Variants in SRFBP1 observed in about 807,000 individuals in gnomAD.
SRFBP1 encodes the protein serum response factor-binding protein 1.
Under a neutral mutation model 45.5 loss-of-function variants are expected in SRFBP1, and 47 were observed. The observed-to-expected ratio is 1.03, with a 90% CI of 0.82 to 1.32. The LOEUF (loss-of-function observed/expected upper bound fraction) is 1.32, where lower values mean the gene tolerates loss of function less well. Ranked by LOEUF, SRFBP1 falls within the 40% of genes most tolerant of loss-of-function variation. The probability of loss-of-function intolerance (pLI) is 0.00; values close to 1 mark genes in which losing one functional copy is unlikely to be tolerated. For missense variants in SRFBP1, 621 were observed against 484.6 expected, an observed-to-expected ratio of 1.28 and a Z score of -2.64; for synonymous variants, 203 against 166.3, an observed-to-expected ratio of 1.22 and a Z score of -1.70.
intron 2 of SRFBP1, among the ~76,000 whole-genome samples, chr5:122,054,113 C>A (rs1342896078): frequency 6.6e-6 from 1 of 152,190 alleles, no homozygotes; most frequent in East Asian, 1.9e-4. Context: ...GGCTATTAAG[C>A]TGATACTGAT....
At chr5:122,026,169 A>G (rs1020842195) in intron 7 of SRFBP1, among the ~76,000 whole-genome samples, 1 of 152,250 alleles carries the variant, frequency 6.6e-6, no homozygotes, top group African/African-American at 2.4e-5. Context: ...TAAGAAGTCT[A>G]TATTAAGTTT....
chr5:122,003,511 GT>G (rs1330241304), intron 4 of SRFBP1, among the ~76,000 whole-genome samples: 1 of 151,990 alleles, frequency 6.6e-6, no homozygotes, highest in Non-Finnish European at 1.5e-5. Context: ...ACAATAATTG[GT>G]TTTTTGCCAT....
At chr5:122,017,484 A>C (rs1395053419) in intron 4 of SRFBP1, among the ~76,000 whole-genome samples, 1 of 152,204 alleles carries the variant, frequency 6.6e-6, no homozygotes, top group East Asian at 1.9e-4. Context: ...ACTGGGCTTA[A>C]GACCACCCTG....
chr5:122,020,950 G>A, intron 6 of SRFBP1, 148 bp downstream of exon 6: 1 of 659,222 alleles, frequency 1.5e-6, no homozygotes, highest in Non-Finnish European at 2.4e-6. Flanking sequence ...GTTGTAGTGG[G>A]GTATTAGGTA....
downstream of SRFBP1, chr5:122,077,458 C>T: frequency 6.2e-7 from 1 of 1,614,090 alleles, no homozygotes; most frequent in Non-Finnish European, 8.5e-7. This position sits in a 1 kb window ranked among gnomAD's most constrained non-coding sequence, Gnocchi z 4.9. Context: ...CGTCAGAGTA[C>T]TTGTAGGGGT....
chr5:122,054,382 G>A lies in SRFBP1; in HGVS notation n.312-20933G>A, dbSNP rs945191762. ...CCCAGACAGGCTGGTGCCCAGCTTCGCTCTTCTCTGCTGTTTGTGTTCCCC... is the reference window on the plus strand; with the variant it reads ...CCCAGACAGGCTGGTGCCCAGCTTCACTCTTCTCTGCTGTTTGTGTTCCCC... On this transcript the variant is annotated intron_variant and non_coding_transcript_variant, in intron 2 of 2. Coordinates refer to the SRFBP1 transcript ENST00000504881. Among the ~76,000 whole-genome samples the A allele has an allele frequency of 3.3e-5, 5 of 152,146 alleles. No individual in the cohort carries two copies. In the East Asian group the frequency reaches 9.7e-4, roughly 29 times the overall value.
intron 7 of SRFBP1, among the ~76,000 whole-genome samples, chr5:122,025,319 C>T (rs1298226287): frequency 6.6e-6 from 1 of 152,166 alleles, no homozygotes; most frequent in Non-Finnish European, 1.5e-5. Context: ...GCATAGTATT[C>T]CATGGTGTAT....
chr5:121,993,776 T>A (rs1173253088), intron 3 of SRFBP1, among the ~76,000 whole-genome samples: 1 of 152,142 alleles, frequency 6.6e-6, no homozygotes, highest in Non-Finnish European at 1.5e-5. Context: ...GACTGACATA[T>A]CTGTTTATCT....
chr5:122,072,100 C>CATTAT (rs2152588464), intron 2 of SRFBP1, among the ~76,000 whole-genome samples: 1 of 152,310 alleles, frequency 6.6e-6, no homozygotes, highest in South Asian at 2.1e-4. Flanking sequence ...ATTACTTCTA[C>CATTAT]TACTACCACA....
intron 4 of SRFBP1, among the ~76,000 whole-genome samples, chr5:122,005,955 T>G (rs1187785279): frequency 6.6e-6 from 1 of 152,200 alleles, no homozygotes; most frequent in Non-Finnish European, 1.5e-5. Context: ...ATTTAGAGTA[T>G]TAGGAGATTC....
chr5:121,996,094 A>G (rs1423147861), intron 4 of SRFBP1, among the ~76,000 whole-genome samples: 4 of 149,410 alleles, frequency 2.7e-5, no homozygotes, highest in South Asian at 2.1e-4. Flanking sequence ...ACAAGGAGGA[A>G]CTGGTACCAT....
At chr5:122,029,204 A>C (rs1264975082), downstream of SRFBP1, among the ~76,000 whole-genome samples, 1 of 152,160 alleles carries the variant, frequency 6.6e-6, no homozygotes, top group African/African-American at 2.4e-5. Flanking sequence ...ATATACACAC[A>C]CAAAAAAGAA....
chr5:122,015,130 A>G (rs112030513), intron 4 of SRFBP1, among the ~76,000 whole-genome samples: 1,692 of 152,260 alleles, frequency 0.011, 41 homozygotes, highest in African/African-American at 0.039. Flanking sequence ...CTATAACCTG[A>G]AGGGCAGTTT....
intron 3 of SRFBP1, among the ~76,000 whole-genome samples, chr5:121,983,504 C>T (rs150593499): frequency 6.9e-4 from 105 of 151,782 alleles, no homozygotes; most frequent in African/African-American, 2.3e-3. Context: ...AAAAGTATTT[C>T]ACTGTGAGAG....
intron 4 of SRFBP1, among the ~76,000 whole-genome samples, chr5:121,999,562 A>C (rs1752810858): frequency 6.6e-6 from 1 of 151,998 alleles, no homozygotes; most frequent in South Asian, 2.1e-4. Context: ...TATGAATGTC[A>C]GTTTGCCTAT....
Position 122,020,407 on chromosome 5 carries a change from C to A in SRFBP1, c.672C>A (p.Asp224Glu). 6.2e-7 allele frequency: 1 copy of A among 1,614,010 alleles called. No homozygotes were observed. Among genetic ancestry groups the A allele is most frequent in the Non-Finnish European group, 8.5e-7 (1 of 1,179,980 alleles). ...TTGAGTCCCAGAAGACACCTGCTGA[C>A]CCAAAACTGAAAACTCTAAGTCAAA... ...VSLESQKTPA[D>E]PKLKTLSQTK... The change falls in exon 6 of 8, where the codon GAC becomes GAA. Residue 224 changes from aspartate to glutamate, a missense_variant. Physicochemically the swap from Asp to Glu is conservative, Grantham distance 45 (BLOSUM62 2). Coordinates refer to ENST00000339397, the MANE Select transcript of SRFBP1 (RefSeq NM_152546.3).
intron 2 of SRFBP1, among the ~76,000 whole-genome samples, chr5:122,051,773 G>A (rs1349066421): frequency 5.3e-5 from 8 of 152,092 alleles, no homozygotes; most frequent in Non-Finnish European, 8.8e-5. Context: ...ATATTGATAT[G>A]TGTGGATTTG....
Position 122,020,549 on chromosome 5 carries a change from C to T in SRFBP1, c.814C>T (p.Gln272Ter), listed in dbSNP as rs1206206091. Residue 272 changes from glutamine to a stop codon, truncating the protein, a stop_gained, in exon 6 of 8, where the codon CAG (glutamine) becomes TAG (stop). Coordinates refer to ENST00000339397, the MANE Select transcript of SRFBP1 (RefSeq NM_152546.3). LOFTEE classifies it high-confidence loss of function. ...DDSTEERFYK[Q>*]SSMSEDSDSG... is the part of the protein sequence containing the mutation. Reference sequence around the variant, plus strand: ...TAGCACAGAAGAAAGGTTTTACAAGCAGTCTTCCATGTCTGAAGATAGTGA... The same window carrying T: ...TAGCACAGAAGAAAGGTTTTACAAGTAGTCTTCCATGTCTGAAGATAGTGA... 1 of 1,614,162 alleles carries T rather than the reference C, an allele frequency of 6.2e-7. No homozygotes were observed. Among genetic ancestry groups the T allele is most frequent in the Non-Finnish European group, 8.5e-7 (1 of 1,180,010 alleles).
At chr5:122,032,755 T>C (rs751020000), downstream of SRFBP1, among the ~76,000 whole-genome samples, 1 of 152,214 alleles carries the variant, frequency 6.6e-6, no homozygotes, top group Non-Finnish European at 1.5e-5. Flanking sequence ...AAACAGTATG[T>C]ATTTCATGTT....
Sources: allele counts gnomAD v4.1 joint callset (sites outside exome capture counted in the v4.1 genomes callset), GRCh38; gene constraint gnomAD v4.1.1; non-coding constraint Gnocchi (gnomAD v3.1); transcripts MANE v1.5; gene names NCBI Gene and HGNC (gene_info 2026-07-23, HGNC 2026-07-21).